RBBP6: variants seen among roughly 807,000 people sequenced by gnomAD.
The protein encoded by RBBP6 is E3 ubiquitin-protein ligase RBBP6.
In RBBP6, 25 loss-of-function variants were observed where a neutral mutation model predicts 167.7. The ratio of observed to expected loss-of-function variants is 0.15; its 90% CI spans 0.11 to 0.21. The LOEUF is 0.21. Ranked by LOEUF, RBBP6 falls within the 10% of genes least tolerant of loss-of-function variation. RBBP6 has a pLI of 1.00. For synonymous variants in RBBP6, 789 were observed against 735.8 expected (o/e 1.07, Z -1.17); for missense variants, 1,868 against 2,134.2 (o/e 0.88, Z 2.46).
chr16:24,555,391 T>G (rs895747449), intron 4 of RBBP6: 2 of 442,722 alleles, frequency 4.5e-6, no homozygotes, highest in South Asian at 6.9e-5. Context: ...GGGTCTAAGG[T>G]TTGAGTGCCC....
chr16:24,559,592 A>T lies in RBBP6; in HGVS notation c.762A>T (p.Pro254=), dbSNP rs1898998988. 3.7e-6 allele frequency: 6 copies of T among 1,607,972 alleles called. No homozygotes were observed. In the East Asian group the frequency reaches 1.3e-4, roughly 36 times the overall value. The change falls in exon 8 of 18, where the codon CCA becomes CCT. Residue 254 remains proline, a synonymous_variant. Transcript: ENST00000319715. ...CCTCAGAAGAAGATGATCCTATCCC[A>T]GATGAATTGTTGTGTCTCATCTGCA... ...SSSSEEDDPI[P]DELLCLICKD... is the part of the protein sequence containing the mutation.
At chr16:24,565,545 CAT>C (rs933636906) in intron 14 of RBBP6, among the ~76,000 whole-genome samples, 20 of 152,210 alleles carry the variant, frequency 1.3e-4, no homozygotes, top group African/African-American at 4.8e-4. Flanking sequence ...TTAAGATTCT[CAT>C]AGGAGCATGA....
rs1358150227 is a variant in RBBP6, at chr16:24,562,130, G to A, written c.1258G>A (p.Val420Ile). Reference protein sequence around the residue: ...PDITATVSISVHSEKSDGPFR... With the variant: ...PDITATVSISIHSEKSDGPFR... ...TATAACTGCAACAGTATCCATATCAGTTCATTCAGAAAAATCAGATGGACC... is the reference window on the plus strand; with the variant it reads ...TATAACTGCAACAGTATCCATATCAATTCATTCAGAAAAATCAGATGGACC... The change falls in exon 10 of 18, where the codon GTT becomes ATT. Residue 420 changes from valine (V) to isoleucine (I), a missense_variant. By Grantham distance (29) the Val-to-Ile change is conservative (BLOSUM62 3). Coordinates refer to ENST00000319715, the MANE Select transcript of RBBP6 (RefSeq NM_006910.5). The A allele has an allele frequency of 6.2e-7, 1 of 1,612,572 alleles. No individual in the cohort carries two copies.
rs768931995 is a variant in RBBP6, at chr16:24,553,534, A to G, written c.325A>G (p.Ile109Val). 5.6e-6 allele frequency: 9 copies of G among 1,608,262 alleles called. No individual in the cohort carries two copies. Among genetic ancestry groups the G allele is most frequent in the East Asian group, 2.2e-5 (1 of 44,760 alleles). ...ACAGATTGATGACTCTTCCGCGTCT[A>G]TTTCTCTGGCCCAGCTTACAAAGGT... ...TKAIDDSSAS[I>V]SLAQLTKTAN... The change falls in exon 4 of 18, where the codon ATT becomes GTT. Residue 109 changes from isoleucine to valine, a missense_variant. Ile to Val is a conservative substitution (Grantham distance 29). This residue lies in a region of RBBP6 where 184 missense variants were observed against 327.7 expected (regional missense o/e 0.56). Coordinates refer to ENST00000319715, the MANE Select transcript of RBBP6 (RefSeq NM_006910.5).
At chr16:24,545,262 T>C (rs888125323) in intron 1 of RBBP6, among the ~76,000 whole-genome samples, 1 of 152,136 alleles carries the variant, frequency 6.6e-6, no homozygotes, top group Non-Finnish European at 1.5e-5. Context: ...TTAGTAGAGA[T>C]GGGGTTTCAC....
chr16:24,543,509 A>C (rs1180579525), intron 1 of RBBP6, among the ~76,000 whole-genome samples: 1 of 151,946 alleles, frequency 6.6e-6, no homozygotes, highest in East Asian at 1.9e-4. Context: ...CATGTTGCCC[A>C]GGCTGGTCTC....
chr16:24,561,583 T>A (rs1248144728), intron 8 of RBBP6, 29 bp from the exon 9 acceptor site: 2 of 1,565,518 alleles, frequency 1.3e-6, no homozygotes, highest in East Asian at 4.5e-5. Flanking sequence ...CTACTATGCT[T>A]TTATTAATAT....
At chr16:24,543,773 C>T (rs1898563968) in intron 1 of RBBP6, among the ~76,000 whole-genome samples, 1 of 152,100 alleles carries the variant, frequency 6.6e-6, no homozygotes, top group African/African-American at 2.4e-5. Flanking sequence ...AAACATCCTT[C>T]GTTCTGAAAT....
chr16:24,565,239 A>C (rs1263223707), intron 14 of RBBP6, among the ~76,000 whole-genome samples: 1 of 152,214 alleles, frequency 6.6e-6, no homozygotes, highest in Non-Finnish European at 1.5e-5. Flanking sequence ...CCAACTGTGA[A>C]CAAGAATTGC....
At position 24,540,585 on chromosome 16, in the gene RBBP6, T is replaced by G; in HGVS notation, c.-42T>G. 1 of 1,551,982 alleles carries G rather than the reference T, an allele frequency of 6.4e-7. No individual in the cohort carries two copies. The highest frequency in any genetic ancestry group is 1.2e-5 in the South Asian group (1 of 86,840). ...TTTATAAATATACGTATATTGAGAG[T>G]GTCCACGTCTCCTCGCTGAACCTTA... On this transcript the variant is annotated 5_prime_UTR_variant, in exon 1 of 18. Coordinates refer to ENST00000319715, the MANE Select transcript of RBBP6 (RefSeq NM_006910.5).
chr16:24,555,468 T>C, intron 4 of RBBP6, 147 bp from the exon 5 acceptor site: 2 of 642,834 alleles, frequency 3.1e-6, no homozygotes, highest in Non-Finnish European at 5.5e-6. Flanking sequence ...AATTCCCAAG[T>C]GCCTCTTCCA....
chr16:24,563,725 C>A, intron 13 of RBBP6, 61 bp downstream of exon 13: 1 of 1,476,776 alleles, frequency 6.8e-7, no homozygotes, highest in South Asian at 1.2e-5. Flanking sequence ...ATGGAAGGTC[C>A]AAACTAGGCA....
chr16:24,570,223 C>T lies in RBBP6; in HGVS notation c.3533C>T (p.Pro1178Leu), dbSNP rs1265938199. ...SKLEVTEIVK[P>L]SPKRKMEPDT... Reference sequence around the variant, plus strand: ...CTAGAAGTGACTGAAATAGTGAAACCATCACCAAAGCGCAAAATGGAACCT... The same window carrying T: ...CTAGAAGTGACTGAAATAGTGAAACTATCACCAAAGCGCAAAATGGAACCT... The change falls in exon 17 of 18, where the codon CCA becomes CTA. Residue 1178 changes from proline (P) to leucine (L), a missense_variant. Physicochemically the swap from Pro to Leu is moderately conservative, Grantham distance 98. Transcript: ENST00000319715. The T allele has an allele frequency of 1.2e-6, 2 of 1,612,740 alleles. No homozygotes were observed. The highest frequency in any genetic ancestry group is 8.5e-7 in the Non-Finnish European group (1 of 1,179,728).
intron 4 of RBBP6, 96 bp downstream of exon 4, chr16:24,553,653 A>G: frequency 4.1e-6 from 4 of 982,270 alleles, no homozygotes; most frequent in Non-Finnish European, 5.9e-6. Context: ...GGGGGAGGAC[A>G]TATTTTGCAA....
chr16:24,557,780 A>G lies in RBBP6; in HGVS notation c.674+1333A>G, dbSNP rs569556953. Among the ~76,000 whole-genome samples, 6 of 152,342 alleles carry G rather than the reference A, an allele frequency of 3.9e-5. No individual in the cohort carries two copies. The East Asian group carries it at 1.2e-3, about 29-fold the overall frequency. The stretch of plus-strand genomic sequence containing the variant: ...ACAGTTCCTCAGCTTCATGCTATAA[A>G]TATTGTTGAAGTGTAGTGTAGTGAG... On this transcript the variant is annotated intron_variant, in intron 7 of 17. Coordinates refer to ENST00000319715, the MANE Select transcript of RBBP6 (RefSeq NM_006910.5).
At chr16:24,543,902 C>T (rs1898567296) in intron 1 of RBBP6, among the ~76,000 whole-genome samples, 1 of 151,972 alleles carries the variant, frequency 6.6e-6, no homozygotes, top group African/African-American at 2.4e-5. Context: ...CCTTTCATGT[C>T]TGGGGTCAAA....
intron 1 of RBBP6, among the ~76,000 whole-genome samples, chr16:24,544,117 C>T (rs912294854): frequency 6.6e-5 from 10 of 152,150 alleles, no homozygotes; most frequent in South Asian, 4.1e-4. Flanking sequence ...TGACACAGTA[C>T]GGTGCTAATC....
In RBBP6 at chr16:24,561,672, A is replaced by T; in HGVS notation, c.908A>T (p.Asp303Val). ...ACATGTCCGACGTGTCATCAAAATGATGTTTCTCCTGATGCTTTAATTGCC... is the reference window on the plus strand; with the variant it reads ...ACATGTCCGACGTGTCATCAAAATGTTGTTTCTCCTGATGCTTTAATTGCC... ...EHTCPTCHQN[D>V]VSPDALIANK... The change falls in exon 9 of 18, where the codon GAT (aspartate) becomes GTT (valine). Residue 303 changes from aspartate to valine, a missense_variant. Asp to Val is a radical substitution (Grantham distance 152, BLOSUM62 -3). Coordinates refer to ENST00000319715, the MANE Select transcript of RBBP6 (RefSeq NM_006910.5). 1 of 1,614,130 alleles carries T rather than the reference A, an allele frequency of 6.2e-7. No individual in the cohort carries two copies. The highest frequency in any genetic ancestry group is 8.5e-7 in the Non-Finnish European group (1 of 1,179,998).
chr16:24,569,277 G>A lies in RBBP6; in HGVS notation c.2587G>A (p.Glu863Lys). Residue 863 changes from glutamate to lysine, a missense_variant, in exon 17 of 18, where the codon GAG becomes AAG. Glu to Lys is a moderately conservative substitution (Grantham distance 56). Transcript: ENST00000319715. ...PSANRENFSP[E>K]RFLPLNIRNS... ...AGCAAATAGAGAGAACTTTTCTCCA[G>A]AGAGATTTTTGCCACTTAACATCAG... The A allele has an allele frequency of 6.2e-7, 1 of 1,612,320 alleles. No individual in the cohort carries two copies. Among genetic ancestry groups the A allele is most frequent in the Non-Finnish European group, 8.5e-7 (1 of 1,179,600 alleles).
Sources: allele counts gnomAD v4.1 joint callset (sites outside exome capture counted in the v4.1 genomes callset), GRCh38; gene constraint gnomAD v4.1.1; regional missense constraint gnomAD v4.1.1; transcripts MANE v1.5; gene names NCBI Gene and HGNC (gene_info 2026-07-23, HGNC 2026-07-21).